TFB2M: variants seen among roughly 807,000 people sequenced by gnomAD.
The protein encoded by TFB2M is dimethyladenosine transferase 2, mitochondrial.
Under a neutral mutation model 41.3 loss-of-function variants are expected in TFB2M, and 44 were observed. The observed-to-expected ratio is 1.07, with a 90% CI of 0.84 to 1.37. The LOEUF is 1.37. Ranked by LOEUF, TFB2M falls within the 40% of genes most tolerant of loss-of-function variation. TFB2M has a pLI of 0.00. For synonymous variants in TFB2M, 188 were observed against 176.8 expected (o/e 1.06, Z -0.50); for missense variants, 496 against 490.2 (o/e 1.01, Z -0.11).
At chr1:246,562,584 A>C (rs1659482753) in intron 2 of TFB2M, among the ~76,000 whole-genome samples, 1 of 152,276 alleles carries the variant, frequency 6.6e-6, no homozygotes, top group Middle Eastern at 3.4e-3. Context: ...CACGAAGATG[A>C]GGTCAGTCTA....
chr1:246,558,319 G>A (rs1659376712), intron 2 of TFB2M, among the ~76,000 whole-genome samples: 1 of 151,844 alleles, frequency 6.6e-6, no homozygotes, highest in Non-Finnish European at 1.5e-5. Context: ...ACCAATTTTT[G>A]GATTTTTTGT....
rs778873359 is a variant in TFB2M, at chr1:246,557,551, A to G, written c.403-17T>C. The G allele has an allele frequency of 1.3e-5, 20 of 1,548,700 alleles. No homozygotes were observed. In the South Asian group the frequency reaches 2.5e-4, roughly 19 times the overall value. On this transcript the variant is annotated splice_polypyrimidine_tract_variant and intron_variant, in intron 2 of 7. Coordinates refer to ENST00000366514, the MANE Select transcript of TFB2M (RefSeq NM_022366.3). ...TCCTAAGGACTAAAGAGAGACAAAGATAACACGTTAAAAATTTTCAGCATT... is the reference window on the plus strand; with the variant it reads ...TCCTAAGGACTAAAGAGAGACAAAGGTAACACGTTAAAAATTTTCAGCATT...
At position 246,566,174 on chromosome 1, in the gene TFB2M, A is replaced by C. The variant is rs982349790; in HGVS notation, c.-36T>G. ...CTCAGGCCCGCTCCAAGAATCACCT[A>C]GTGCAGCTACTACAGTGAACCCCAC... On this transcript the variant is annotated 5_prime_UTR_variant, in exon 1 of 8. Transcript: ENST00000366514. 1 of 1,584,610 alleles carries C rather than the reference A, an allele frequency of 6.3e-7. No homozygotes were observed. Among genetic ancestry groups the C allele is most frequent in the Admixed American group, 1.7e-5 (1 of 57,958 alleles).
At chr1:246,548,382 A>C (rs1014873207) in intron 6 of TFB2M, among the ~76,000 whole-genome samples, 163 bp downstream of exon 6, 2 of 152,196 alleles carry the variant, frequency 1.3e-5, no homozygotes, top group Non-Finnish European at 2.9e-5. Context: ...AACTCTTCCA[A>C]AATACTTTTG....
chr1:246,551,011 T>C (rs1008373263), intron 5 of TFB2M, among the ~76,000 whole-genome samples: 1 of 152,104 alleles, frequency 6.6e-6, no homozygotes, highest in African/African-American at 2.4e-5. Flanking sequence ...GCAATATTCT[T>C]AAACATTTTA....
intron 7 of TFB2M, among the ~76,000 whole-genome samples, chr1:246,543,123 A>C (rs1442019032): frequency 6.6e-6 from 1 of 151,900 alleles, no homozygotes; most frequent in Non-Finnish European, 1.5e-5. Flanking sequence ...TGGCCTCACA[A>C]AAATGCTCGG....
At chr1:246,557,679 G>C in intron 2 of TFB2M, 145 bp from the exon 3 acceptor site, 1 of 783,746 alleles carries the variant, frequency 1.3e-6, no homozygotes, top group Non-Finnish European at 1.9e-6. Context: ...GTTTTGTTTT[G>C]TTTTGTTTTT....
intron 4 of TFB2M, among the ~76,000 whole-genome samples, chr1:246,554,493 G>A (rs888661405): frequency 3.2e-5 from 4 of 126,896 alleles, no homozygotes; most frequent in South Asian, 3.1e-4. Flanking sequence ...TCCCTATTGC[G>A]CATGCGAAGG....
chr1:246,550,489 TAAA>T (rs148471377), intron 5 of TFB2M, among the ~76,000 whole-genome samples: 2 of 150,580 alleles, frequency 1.3e-5, no homozygotes, highest in South Asian at 4.2e-4. Context: ...TTCCTGAGCT[TAAA>T]AAAAAAATAC....
chr1:246,562,392 C>T (rs1333263248), intron 2 of TFB2M, among the ~76,000 whole-genome samples: 1 of 152,218 alleles, frequency 6.6e-6, no homozygotes, highest in South Asian at 2.1e-4. Flanking sequence ...ACTGAAAAAT[C>T]TATTTGGATG....
intron 2 of TFB2M, among the ~76,000 whole-genome samples, chr1:246,557,859 TG>T (rs1203220498): frequency 3.3e-5 from 5 of 152,176 alleles, no homozygotes; most frequent in Non-Finnish European, 5.9e-5. Context: ...TTAGTAGAGA[TG>T]GGGTTTCACC....
At chr1:246,543,894 G>A (rs890320781) in intron 7 of TFB2M, among the ~76,000 whole-genome samples, 3 of 152,160 alleles carry the variant, frequency 2.0e-5, no homozygotes, top group Non-Finnish European at 2.9e-5. Context: ...GGAGGCTGAG[G>A]TGGGAGGATC....
At chr1:246,555,247 A>C (rs1659289753) in intron 4 of TFB2M, among the ~76,000 whole-genome samples, 1 of 152,174 alleles carries the variant, frequency 6.6e-6, no homozygotes, top group Non-Finnish European at 1.5e-5. Flanking sequence ...AGGAATATCA[A>C]ATGGTGCATC....
At chr1:246,549,658 C>T (rs769934932) in intron 5 of TFB2M, among the ~76,000 whole-genome samples, 32 of 151,974 alleles carry the variant, frequency 2.1e-4, no homozygotes, top group Non-Finnish European at 3.5e-4. Context: ...ATATTAAATT[C>T]CAAAATAAGA....
intron 6 of TFB2M, among the ~76,000 whole-genome samples, chr1:246,545,639 CCT>C: frequency 6.6e-6 from 1 of 151,526 alleles, no homozygotes; most frequent in South Asian, 2.1e-4. Flanking sequence ...ATGGCGAAAC[CCT>C]GTCTCTACAA....
rs779474412 is a variant in TFB2M at position 246,544,534 on chromosome 1, T to C, written c.1006A>G (p.Ile336Val). The C allele has an allele frequency of 1.9e-6, 3 of 1,604,528 alleles. No homozygotes were observed. Among genetic ancestry groups the C allele is most frequent in the Admixed American group, 1.8e-5 (1 of 56,948 alleles). ...CTTTTTACTCACCGTAAGTGGTCTA[T>C]TACAGTGGCGCTGCGCCTCCCAAAA... The part of the protein sequence containing the change: ...HCFGRRSATV[I>V]DHLRSLTPLD... The change falls in exon 7 of 8, where the codon ATA becomes GTA. Residue 336 changes from isoleucine (I) to valine (V), a missense_variant. Ile to Val is a conservative substitution (Grantham distance 29). Coordinates refer to ENST00000366514, the MANE Select transcript of TFB2M (RefSeq NM_022366.3).
At chr1:246,562,786 A>T (rs1475806580) in intron 2 of TFB2M, among the ~76,000 whole-genome samples, 2 of 151,892 alleles carry the variant, frequency 1.3e-5, no homozygotes, top group Non-Finnish European at 2.9e-5. Context: ...CAGCCTCCCG[A>T]GTAGCTGGGA....
At chr1:246,550,979 C>G (rs1659161755) in intron 5 of TFB2M, among the ~76,000 whole-genome samples, 1 of 152,160 alleles carries the variant, frequency 6.6e-6, no homozygotes, top group Non-Finnish European at 1.5e-5. Flanking sequence ...CACTTGAGGC[C>G]AGGAGTTCAA....
chr1:246,555,708 T>C (rs367860233), intron 4 of TFB2M, among the ~76,000 whole-genome samples: 12 of 152,218 alleles, frequency 7.9e-5, no homozygotes, highest in Non-Finnish European at 1.6e-4. Flanking sequence ...CTCATGTTCA[T>C]TGCAGCATTA....
Sources: allele counts gnomAD v4.1 joint callset (sites outside exome capture counted in the v4.1 genomes callset), GRCh38; gene constraint gnomAD v4.1.1; transcripts MANE v1.5; gene names NCBI Gene and HGNC (gene_info 2026-07-23, HGNC 2026-07-21).